ITGB2: variants seen among roughly 807,000 people sequenced by gnomAD.
The protein encoded by ITGB2 is integrin beta-2.
A neutral mutation model predicts 86.8 loss-of-function variants in ITGB2; 56 were observed. The observed-to-expected ratio is 0.65, with a 90% CI of 0.52 to 0.81. The LOEUF is 0.81. ITGB2 is among the 30% of genes least tolerant of loss of function. The probability of loss-of-function intolerance (pLI) is 0.00; values close to 1 mark genes in which losing one functional copy is unlikely to be tolerated. For missense variants in ITGB2, 948 were observed against 1,061.2 expected (o/e 0.89, Z 1.48); for synonymous variants, 457 against 450.4 (o/e 1.01, Z -0.19).
chr21:44,900,425 A>G lies in ITGB2; in HGVS notation c.792T>C (p.Asp264=), dbSNP rs948993959. 8 of 1,614,060 alleles carry G rather than the reference A, an allele frequency of 5.0e-6. 1 individual carries two copies. In the South Asian group the frequency reaches 8.8e-5, roughly 18 times the overall value. ...CGTCGCCCGCGAAATGGAAGCCGTC[A>G]TCAGTGGCAAACACCAGCAGCCGCG... ...NVTRLLVFAT[D]DGFHFAGDGK... is the part of the protein sequence containing the mutation. The change falls in exon 7 of 16, where the codon GAT becomes GAC. Residue 264 remains aspartate, a synonymous_variant. Transcript: ENST00000652462.
intron 14 of ITGB2, among the ~76,000 whole-genome samples, chr21:44,888,150 C>G (rs1416552477): frequency 6.6e-6 from 1 of 152,158 alleles, no homozygotes; most frequent in Non-Finnish European, 1.5e-5. Context: ...CCGAATGAGA[C>G]AGGGTCAGTG....
At chr21:44,886,559 A>G (rs2083701518) in intron 15 of ITGB2, 129 bp from the exon 16 acceptor site, 3 of 1,389,656 alleles carry the variant, frequency 2.2e-6, no homozygotes, top group African/African-American at 2.8e-5. Context: ...CAGCCCCCCC[A>G]GGGTCCCAGC....
chr21:44,900,737 G>A (rs924203967), intron 6 of ITGB2, among the ~76,000 whole-genome samples: 6 of 152,320 alleles, frequency 3.9e-5, no homozygotes, highest in African/African-American at 9.6e-5. Context: ...ACACGGCTGC[G>A]GTCCCTGCAC....
At chr21:44,926,319 T>C (rs1327166188) in intron 1 of ITGB2, among the ~76,000 whole-genome samples, 2 of 152,222 alleles carry the variant, frequency 1.3e-5, no homozygotes, top group African/African-American at 4.8e-5. Flanking sequence ...AGTCAGAGGC[T>C]GTGCACGTTT....
At chr21:44,896,883 C>A (rs2083878206) in intron 8 of ITGB2, among the ~76,000 whole-genome samples, 1 of 152,236 alleles carries the variant, frequency 6.6e-6, no homozygotes, top group Non-Finnish European at 1.5e-5. Flanking sequence ...TGGTGCCACA[C>A]CATCGCCTGG....
chr21:44,898,688 C>T (rs35380759), intron 8 of ITGB2, among the ~76,000 whole-genome samples: 12 of 152,194 alleles, frequency 7.9e-5, no homozygotes, highest in African/African-American at 2.4e-4. Flanking sequence ...AGCTTGTGAA[C>T]GTTTTTGTGT....
chr21:44,897,093 G>C (rs235333), intron 8 of ITGB2, among the ~76,000 whole-genome samples: 28,016 of 152,128 alleles, frequency 0.18, 3,019 homozygotes, highest in Non-Finnish European at 0.24. Flanking sequence ...TGCCCACTCG[G>C]AGGGTCCCCC....
intron 4 of ITGB2, among the ~76,000 whole-genome samples, chr21:44,905,161 T>C (rs969163402): frequency 1.3e-5 from 2 of 151,922 alleles, no homozygotes; most frequent in African/African-American, 2.4e-5. Flanking sequence ...CCTTCCAGAG[T>C]AGAGGCTCAG....
At chr21:44,917,466 C>T (rs1292927965) in intron 1 of ITGB2, among the ~76,000 whole-genome samples, 1 of 152,140 alleles carries the variant, frequency 6.6e-6, no homozygotes, top group Non-Finnish European at 1.5e-5. Context: ...TGGTGGCCGA[C>T]GAATTATGCT....
At chr21:44,920,234 A>G (rs1252930000) in intron 1 of ITGB2, among the ~76,000 whole-genome samples, 1 of 152,098 alleles carries the variant, frequency 6.6e-6, no homozygotes, top group Non-Finnish European at 1.5e-5. Flanking sequence ...CGCACACCAT[A>G]CATGCACACA....
Position 44,910,286 on chromosome 21 carries a change from G to A in ITGB2, c.145C>T (p.Leu49=). 6.2e-7 allele frequency: 1 copy of A among 1,613,980 alleles called. No individual in the cohort carries two copies. Reference sequence around the variant, plus strand: ...GGAGGGGTCCAGGAGGCACTTACCAGCTTCTGGCACCAGGTGCAGCCGGGC... The same window carrying A: ...GGAGGGGTCCAGGAGGCACTTACCAACTTCTGGCACCAGGTGCAGCCGGGC... ...SGPGCTWCQK[L]NFTGPGDPDS... Residue 49 remains leucine (L), a splice_region_variant and synonymous_variant, in exon 3 of 16, where the codon CTG becomes TTG. Coordinates refer to ENST00000652462, the MANE Select transcript of ITGB2 (RefSeq NM_000211.5).
intron 1 of ITGB2, among the ~76,000 whole-genome samples, chr21:44,926,193 T>C (rs1161688174): frequency 6.7e-6 from 1 of 149,158 alleles, no homozygotes; most frequent in Non-Finnish European, 1.5e-5. Context: ...CTAGGGACCG[T>C]GGGGCTTCCC....
chr21:44,903,731 G>A (rs73906938), intron 4 of ITGB2, among the ~76,000 whole-genome samples, 196 bp from the exon 5 acceptor site: 1,646 of 152,286 alleles, frequency 0.011, 31 homozygotes, highest in African/African-American at 0.037. Flanking sequence ...AGTTTCAGAG[G>A]AAGGACATGA....
intron 7 of ITGB2, among the ~76,000 whole-genome samples, chr21:44,899,913 A>C (rs555823137): frequency 4.6e-5 from 7 of 152,142 alleles, no homozygotes; most frequent in African/African-American, 9.7e-5. Context: ...GGCAGCAGGG[A>C]ACGTACAGTG....
intron 1 of ITGB2, chr21:44,911,377 C>T (rs79331200): frequency 6.3e-4 from 101 of 160,656 alleles, no homozygotes; most frequent in Admixed American, 1.3e-3. Flanking sequence ...CCCACACACC[C>T]GGTGTGTGCA....
intron 8 of ITGB2, among the ~76,000 whole-genome samples, chr21:44,896,322 C>T (rs533374071): frequency 6.6e-5 from 10 of 152,366 alleles, no homozygotes; most frequent in Admixed American, 1.3e-4. Flanking sequence ...AGGAAGCCAT[C>T]GGCTCTTGGC....
intron 3 of ITGB2, among the ~76,000 whole-genome samples, chr21:44,909,036 C>T (rs751604093): frequency 6.6e-5 from 10 of 152,192 alleles, no homozygotes; most frequent in Admixed American, 1.3e-4. Context: ...GGTTGGCAGC[C>T]GTGAGTGGCA....
chr21:44,892,096 G>T, intron 10 of ITGB2, 100 bp from the exon 11 acceptor site: 3 of 1,184,810 alleles, frequency 2.5e-6, no homozygotes, highest in East Asian at 2.5e-5. Context: ...GTCCTGGGGG[G>T]TTCAGCGTGG....
At position 44,889,979 on chromosome 21, in the gene ITGB2, C is replaced by G. The variant is rs759039359; in HGVS notation, c.1656G>C (p.Pro552=). Residue 552 remains proline (P), a splice_region_variant and synonymous_variant, in exon 12 of 16, where the codon CCG becomes CCC. Transcript: ENST00000652462. ...TCCAGCAGGGACCCACGGGCTCACC[C>G]GGGCCGCCGCAGACCTGGCCGTTGT... ...ERYNGQVCGG[P]GRGLCFCGKC... The G allele has an allele frequency of 6.2e-6, 10 of 1,612,886 alleles. No homozygotes were observed. The African/African-American group carries it at 1.1e-4, about 17-fold the overall frequency.
Sources: gnomAD v4.1 joint callset for allele counts (sites outside exome capture counted in the v4.1 genomes callset) on GRCh38, gnomAD v4.1.1 for gene constraint, MANE v1.5 for transcripts, NCBI Gene and HGNC (gene_info 2026-07-23, HGNC 2026-07-21) for gene names.